TMEM131L: variants seen among roughly 807,000 people sequenced by gnomAD.
TMEM131L encodes transmembrane 131 like.
A neutral mutation model predicts 192.2 loss-of-function variants in TMEM131L; 54 were observed. That is an observed-to-expected ratio of 0.28 (90% CI 0.23 to 0.35). The LOEUF is 0.35. Ranked by LOEUF, TMEM131L falls within the 10% of genes least tolerant of loss-of-function variation. The probability of loss-of-function intolerance (pLI) is 1.00; values close to 1 mark genes in which losing one functional copy is unlikely to be tolerated. For synonymous variants in TMEM131L, 701 were observed against 704.9 expected (o/e 0.99, Z 0.09); for missense variants, 1,888 against 1,972.9 (o/e 0.96, Z 0.82).
intron 3 of TMEM131L, among the ~76,000 whole-genome samples, chr4:153,524,945 T>C (rs1735368566): frequency 6.6e-6 from 1 of 152,194 alleles, no homozygotes; most frequent in Non-Finnish European, 1.5e-5. Context: ...ATTGGCTTCA[T>C]GTTGTGGGTT....
intron 7 of TMEM131L, among the ~76,000 whole-genome samples, chr4:153,577,737 G>A (rs1462416179): frequency 6.6e-6 from 1 of 152,166 alleles, no homozygotes; most frequent in Admixed American, 6.5e-5. Context: ...TTTGTTTGAG[G>A]AGAGTATGAG....
At chr4:153,565,398 A>G (rs558886997) in intron 7 of TMEM131L, among the ~76,000 whole-genome samples, 4 of 152,306 alleles carry the variant, frequency 2.6e-5, no homozygotes, top group East Asian at 3.9e-4. Context: ...CAGATTTACT[A>G]CCGGGGCAGG....
chr4:153,594,214 G>A (rs182766309), intron 19 of TMEM131L, among the ~76,000 whole-genome samples: 4 of 149,568 alleles, frequency 2.7e-5, no homozygotes, highest in African/African-American at 9.8e-5. Context: ...TTTAGGGCAA[G>A]ATAAGGAAAA....
chr4:153,488,875 G>A (rs1268868030), intron 3 of TMEM131L, among the ~76,000 whole-genome samples: 1 of 152,116 alleles, frequency 6.6e-6, no homozygotes, highest in Non-Finnish European at 1.5e-5. Context: ...GGGGTTTCTT[G>A]GCTTGCAGCT....
chr4:153,634,674 A>G (rs1382005732), intron 33 of TMEM131L, among the ~76,000 whole-genome samples: 1 of 152,164 alleles, frequency 6.6e-6, no homozygotes, highest in Admixed American at 6.5e-5. Context: ...CCTGCTTCCT[A>G]TTATGTCCTT....
At chr4:153,628,862 G>T (rs1319614012) in intron 31 of TMEM131L, among the ~76,000 whole-genome samples, 2 of 152,142 alleles carry the variant, frequency 1.3e-5, no homozygotes, top group African/African-American at 4.8e-5. Context: ...CCAGGTTTGT[G>T]TGTGTACTTC....
chr4:153,478,643 G>A (rs188292254), intron 3 of TMEM131L, among the ~76,000 whole-genome samples: 2 of 152,178 alleles, frequency 1.3e-5, no homozygotes, highest in African/African-American at 2.4e-5. Flanking sequence ...GAGCTTCACC[G>A]ACACAAATTA....
chr4:153,521,695 G>C (rs1399441240), intron 3 of TMEM131L, among the ~76,000 whole-genome samples: 1 of 151,630 alleles, frequency 6.6e-6, no homozygotes, highest in Non-Finnish European at 1.5e-5. Context: ...CCTCCCTCCC[G>C]CTCAAGCCCG....
At chr4:153,582,527 G>A (rs1030743703) in intron 9 of TMEM131L, among the ~76,000 whole-genome samples, 2 of 122,762 alleles carry the variant, frequency 1.6e-5, no homozygotes, top group South Asian at 2.9e-4. Context: ...ATTCCTCCCC[G>A]CTTGGCCTCC....
At chr4:153,622,316 G>A (rs1469283890) in intron 28 of TMEM131L, among the ~76,000 whole-genome samples, 1 of 152,172 alleles carries the variant, frequency 6.6e-6, no homozygotes, top group East Asian at 1.9e-4. Flanking sequence ...GTGGGGGCTA[G>A]GGCAGTACAT....
At chr4:153,517,949 G>T (rs919761429) in intron 3 of TMEM131L, among the ~76,000 whole-genome samples, 2 of 151,974 alleles carry the variant, frequency 1.3e-5, no homozygotes, top group African/African-American at 4.8e-5. Flanking sequence ...TTGAAAATTT[G>T]CCCAATTTGA....
intron 3 of TMEM131L, among the ~76,000 whole-genome samples, chr4:153,538,402 A>G (rs1235584794): frequency 6.6e-6 from 1 of 152,220 alleles, no homozygotes; most frequent in African/African-American, 2.4e-5. Flanking sequence ...ACATCAGTGC[A>G]GGGCCAAAGC....
chr4:153,581,006 C>A lies in TMEM131L; in HGVS notation c.738+103C>A, dbSNP rs910922460. On this transcript the variant is annotated intron_variant, in intron 8 of 34. Transcript: ENST00000409959. ...CTGTGGCTCATGCCTGTAATCCCAG[C>A]ACTTTGGGAGGCCGAGGCGAGTGGA... is the stretch of plus-strand genomic sequence containing the variant. 1.3e-5 allele frequency: 10 copies of A among 799,428 alleles called. No individual in the cohort carries two copies. In the African/African-American group the frequency reaches 1.6e-4, roughly 13 times the overall value. 49.5% of individuals were successfully genotyped at this position (799,428 alleles called of 1,614,324 possible).
intron 3 of TMEM131L, among the ~76,000 whole-genome samples, chr4:153,500,830 CAT>C (rs1189875352): frequency 1.3e-5 from 2 of 152,158 alleles, no homozygotes; most frequent in African/African-American, 2.4e-5. Context: ...CACACACAGG[CAT>C]GTGCACTTTT....
chr4:153,558,487 T>C, intron 7 of TMEM131L, 119 bp downstream of exon 7: 1 of 512,414 alleles, frequency 2.0e-6, no homozygotes, highest in South Asian at 3.7e-5. Flanking sequence ...AATATACATA[T>C]ATAAAATATC....
At chr4:153,634,333 A>G in intron 33 of TMEM131L, 53 bp downstream of exon 33, 2 of 1,410,072 alleles carry the variant, frequency 1.4e-6, no homozygotes, top group East Asian at 2.3e-5. Context: ...TAGAAGGTCA[A>G]AGCAGGAAGT....
Position 153,629,750 on chromosome 4 carries a change from A to G in TMEM131L, c.4207+2063A>G, listed in dbSNP as rs548066649. ...CAGTCCCCATATTGGCCTGTGACAG[A>G]CACTGGACGTTCTATTCTGGCTGGT... On this transcript the variant is annotated intron_variant, in intron 31 of 34. Transcript: ENST00000409959. Among the ~76,000 whole-genome samples the G allele has an allele frequency of 1.2e-3, 187 of 152,298 alleles. 6 individuals are homozygous for G. In the South Asian group the frequency reaches 0.038, roughly 31 times the overall value.
At chr4:153,532,984 C>CTTTTTTTTTTTTT (rs70963190) in intron 3 of TMEM131L, among the ~76,000 whole-genome samples, 1 of 129,694 alleles carries the variant, frequency 7.7e-6, no homozygotes, top group African/African-American at 2.9e-5. Flanking sequence ...TTTCTCAATT[C>CTTTTTTTTTTTTT]TTTTTTTTTT....
chr4:153,606,262 C>T (rs546989306), intron 25 of TMEM131L, among the ~76,000 whole-genome samples: 3 of 152,314 alleles, frequency 2.0e-5, no homozygotes, highest in African/African-American at 7.2e-5. Flanking sequence ...TAGGCTTGAG[C>T]ACAGTCTTTG....
Sources: gnomAD v4.1 joint callset for allele counts (sites outside exome capture counted in the v4.1 genomes callset) on GRCh38, gnomAD v4.1.1 for gene constraint, MANE v1.5 for transcripts, NCBI Gene and HGNC (gene_info 2026-07-23, HGNC 2026-07-21) for gene names.